The following VPS39 variants were observed in gnomAD, a reference collection of about 807,000 sequenced individuals.
The protein encoded by VPS39 is VPS39 subunit of HOPS complex, also known as vam6/Vps39-like protein.
In VPS39, 70 loss-of-function variants were observed where a neutral mutation model predicts 121.0. The ratio of observed to expected loss-of-function variants is 0.58; its 90% confidence interval spans 0.48 to 0.71. The LOEUF is 0.71. Among genes scored for constraint, VPS39 ranks in the 30% least tolerant of loss-of-function variants. VPS39 has a pLI of 0.00. For synonymous variants in VPS39, 378 were observed against 398.1 expected, an observed-to-expected ratio of 0.95 and a Z score of 0.60; for missense variants, 818 against 1,051.5, an observed-to-expected ratio of 0.78 and a Z score of 3.07.
intron 1 of VPS39, among the ~76,000 whole-genome samples, chr15:42,204,301 T>C (rs1162463531): frequency 6.6e-6 from 1 of 152,226 alleles, no homozygotes; most frequent in Non-Finnish European, 1.5e-5. Flanking sequence ...GCCCTGCACA[T>C]GGAGATTCAG....
chr15:42,162,324 C>G lies in VPS39; in HGVS notation c.2325+8G>C, dbSNP rs1272219872. 1 of 1,606,792 alleles carries G rather than the reference C, an allele frequency of 6.2e-7. No homozygotes were observed. The highest frequency in any genetic ancestry group is 8.5e-7 in the Non-Finnish European group (1 of 1,175,432). On this transcript the variant is annotated splice_region_variant and intron_variant, in intron 22 of 24. Coordinates refer to ENST00000318006, the MANE Select transcript of VPS39 (RefSeq NM_015289.5). The stretch of plus-strand genomic sequence containing the variant: ...ACACCCTCCATCTCCCTAGGAACAA[C>G]TCCTGACCTTGGTGGTGTCCAGTTT...
At chr15:42,191,610 A>G in intron 2 of VPS39, 50 bp from the exon 3 acceptor site, 1 of 1,513,302 alleles carries the variant, frequency 6.6e-7, no homozygotes. Flanking sequence ...GGATACATAG[A>G]AAAACCACTA....
intron 4 of VPS39, among the ~76,000 whole-genome samples, chr15:42,190,203 T>G (rs572603958): frequency 6.6e-6 from 1 of 152,188 alleles, no homozygotes; most frequent in Non-Finnish European, 1.5e-5. Flanking sequence ...CTACTCACAT[T>G]AGGAGGCTCC....
intron 12 of VPS39, 63 bp from the exon 13 acceptor site, chr15:42,167,600 T>C: frequency 6.3e-7 from 1 of 1,581,360 alleles, no homozygotes; most frequent in Non-Finnish European, 8.6e-7. Context: ...TCTGAGCTAC[T>C]GGGTAATTCT....
At chr15:42,179,602 TA>T (rs1419928881) in intron 8 of VPS39, among the ~76,000 whole-genome samples, 1 of 120,228 alleles carries the variant, frequency 8.3e-6, no homozygotes, top group African/African-American at 3.1e-5. Flanking sequence ...AATAAATAAA[TA>T]AATAAATAAA....
chr15:42,189,091 A>T (rs1241101892), intron 5 of VPS39, 23 bp downstream of exon 5: 2 of 1,588,212 alleles, frequency 1.3e-6, no homozygotes, highest in South Asian at 2.2e-5. Context: ...CATAAAGCCA[A>T]ATTTCATCTT....
At chr15:42,177,924 C>T (rs768904638) in intron 10 of VPS39, among the ~76,000 whole-genome samples, 3 of 152,216 alleles carry the variant, frequency 2.0e-5, no homozygotes, top group African/African-American at 4.8e-5. Flanking sequence ...GCCTTGGCCT[C>T]CCAAAATGCT....
chr15:42,183,099 G>GTTTTT (rs1566901555), intron 8 of VPS39, among the ~76,000 whole-genome samples: 1 of 146,740 alleles, frequency 6.8e-6, no homozygotes, highest in African/African-American at 2.6e-5. Context: ...AACATGATGT[G>GTTTTT]TTTTTTGTTT....
intron 8 of VPS39, chr15:42,179,198 T>C (rs1250335444): frequency 2.6e-5 from 4 of 152,322 alleles, no homozygotes; most frequent in African/African-American, 7.2e-5. Context: ...CAAAGGCCAG[T>C]TGCAGCTGCC....
At chr15:42,190,913 C>G (rs1368539559) in intron 4 of VPS39, among the ~76,000 whole-genome samples, 4 of 152,098 alleles carry the variant, frequency 2.6e-5, no homozygotes, top group South Asian at 4.1e-4. Flanking sequence ...GATCAATGAA[C>G]GAATGAATGA....
At position 42,199,780 on chromosome 15, in the gene VPS39, C is replaced by G. The variant is rs2050026283; in HGVS notation, c.139+116G>C. ...CTCAAGTCTTCTCCCCATTTTCCCA[C>G]CGTGCTCCCTCTAACCTTCAATCTC... On this transcript the variant is annotated intron_variant, in intron 2 of 24. Transcript: ENST00000318006. 4.4e-6 allele frequency: 5 copies of G among 1,143,718 alleles called. No homozygotes were observed. In the South Asian group the frequency reaches 8.3e-5, roughly 19 times the overall value. The allele number at this position is 1,143,718 out of a possible 1,614,324, so 70.8% of individuals were successfully genotyped here. A position where few individuals can be genotyped will look rare whatever the true frequency, so the allele number is the denominator to read the frequency against.
At chr15:42,163,259 C>T in intron 21 of VPS39, 91 bp downstream of exon 21, 1 of 1,481,320 alleles carries the variant, frequency 6.8e-7, no homozygotes, top group Non-Finnish European at 9.4e-7. Context: ...CGTGCCCTGT[C>T]TTATTCTGCC....
chr15:42,171,146 T>C (rs1000367833), intron 11 of VPS39, among the ~76,000 whole-genome samples: 10 of 152,182 alleles, frequency 6.6e-5, no homozygotes, highest in African/African-American at 2.4e-4. Flanking sequence ...CTATGGTGTA[T>C]GGTCAATTGG....
At chr15:42,164,291 A>G in intron 19 of VPS39, 67 bp downstream of exon 19, 1 of 1,591,034 alleles carries the variant, frequency 6.3e-7, no homozygotes, top group East Asian at 2.2e-5. Flanking sequence ...GGGAACAATT[A>G]AAGGGGTGGA....
chr15:42,166,936 G>C, intron 13 of VPS39, 23 bp from the exon 14 acceptor site: 2 of 1,613,460 alleles, frequency 1.2e-6, no homozygotes, highest in Non-Finnish European at 1.7e-6. Flanking sequence ...CAGGAGTTCA[G>C]TGGAAACTGC....
intron 8 of VPS39, 187 bp from the exon 9 acceptor site, chr15:42,178,757 A>G (rs1283764179): frequency 2.6e-6 from 2 of 776,630 alleles, no homozygotes; most frequent in Non-Finnish European, 3.9e-6. Context: ...AATCCCAGCA[A>G]CTTGAGAGGT....
At position 42,178,094 on chromosome 15, in the gene VPS39, C is replaced by T. The variant is rs2049493660; in HGVS notation, c.960+124G>A. On this transcript the variant is annotated intron_variant, in intron 10 of 24. Transcript: ENST00000318006. The stretch of plus-strand genomic sequence containing the variant: ...TTACGGTGGAGTCAGACCTAGTATT[C>T]AAGGCCCTGGACTTTCAGCTATGTG... The T allele has an allele frequency of 6.7e-6, 9 of 1,347,356 alleles. No individual in the cohort carries two copies. The East Asian group carries it at 2.1e-4, about 31-fold the overall frequency. The allele number at this position is 1,347,356 out of a possible 1,614,324, so 83.5% of individuals were successfully genotyped here.
intron 23 of VPS39, 39 bp downstream of exon 23, chr15:42,161,993 T>C (rs528385183): frequency 6.2e-7 from 1 of 1,612,746 alleles, no homozygotes; most frequent in East Asian, 2.2e-5. Flanking sequence ...ATACTAAAAG[T>C]TAAAAGCCCA....
At chr15:42,203,456 G>C (rs665718) in intron 1 of VPS39, among the ~76,000 whole-genome samples, 26 of 147,838 alleles carry the variant, frequency 1.8e-4, no homozygotes, top group African/African-American at 6.4e-4. Flanking sequence ...CCTGGGTGAC[G>C]GGGCAGGACT....
Sources: gnomAD v4.1 joint callset for allele counts (sites outside exome capture counted in the v4.1 genomes callset) on GRCh38, gnomAD v4.1.1 for gene constraint, MANE v1.5 for transcripts, NCBI Gene and HGNC (gene_info 2026-07-23, HGNC 2026-07-21) for gene names.